The following SLC19A1 variants were observed in gnomAD, a reference collection of about 807,000 sequenced individuals.
SLC19A1 encodes reduced folate transporter.
In SLC19A1, 37 loss-of-function variants were observed where a neutral mutation model predicts 35.3. That is an observed-to-expected ratio of 1.05 (90% CI 0.81 to 1.38). The LOEUF (loss-of-function observed/expected upper bound fraction) is 1.38, where lower values mean the gene tolerates loss of function less well. Ranked by LOEUF, SLC19A1 falls within the 40% of genes most tolerant of loss-of-function variation. SLC19A1 has a pLI of 0.00. For missense variants in SLC19A1, 831 were observed against 826.9 expected, an observed-to-expected ratio of 1.00 and a Z score of -0.06; for synonymous variants, 460 against 398.5, an observed-to-expected ratio of 1.15 and a Z score of -1.84.
At chr21:45,508,618 T>C (rs2037392978), downstream of SLC19A1, among the ~76,000 whole-genome samples, 1 of 152,192 alleles carries the variant, frequency 6.6e-6, no homozygotes, top group Admixed American at 6.5e-5. Context: ...CATGATTCCT[T>C]AATTGGCTCA....
chr21:45,520,412 C>T (rs577001764), intron 5 of SLC19A1, among the ~76,000 whole-genome samples: 16 of 152,156 alleles, frequency 1.1e-4, no homozygotes, highest in Middle Eastern at 6.8e-3. Context: ...TAATTATCTA[C>T]GTAGAAAATC....
At chr21:45,542,199 G>A (rs1183403385) in intron 1 of SLC19A1, among the ~76,000 whole-genome samples, 169 bp downstream of exon 1, 1 of 83,276 alleles carries the variant, frequency 1.2e-5, no homozygotes, top group African/African-American at 4.7e-5. Context: ...CGCAGACCCC[G>A]GCCCACGCCC....
chr21:45,551,444 G>C (rs747881270), intron 1 of SLC19A1, among the ~76,000 whole-genome samples: 11 of 152,062 alleles, frequency 7.2e-5, no homozygotes, highest in Non-Finnish European at 1.0e-4. Flanking sequence ...CCTCTCACGG[G>C]GCACCTTTGG....
rs117635381 is a variant in SLC19A1, at chr21:45,528,908, G to A, written c.1151+1862C>T. On this transcript the variant is annotated intron_variant, in intron 4 of 5. Coordinates refer to ENST00000311124, the MANE Select transcript of SLC19A1 (RefSeq NM_194255.4). ...CAAACAGCAGTTTTCTGCTTTGCAC[G>A]CTGCGGCACCGTGTTGGATTTTTTT... is the stretch of plus-strand genomic sequence containing the variant. Among the ~76,000 whole-genome samples, 3 of 152,358 alleles carry A rather than the reference G, an allele frequency of 2.0e-5. No individual in the cohort carries two copies. In the East Asian group the frequency reaches 5.8e-4, roughly 29 times the overall value.
chr21:45,531,980 G>A lies in SLC19A1; in HGVS notation c.358C>T (p.Gln120Ter). The part of the protein sequence containing the change: ...LLLGHSVAHM[Q>*]LMELFYSVTM... Reference sequence around the variant, plus strand: ...ACGCTGTAGAAGAGCTCCATGAGCTGCATGTGCGCCACCGAGTGGCCCAGC... The same window carrying A: ...ACGCTGTAGAAGAGCTCCATGAGCTACATGTGCGCCACCGAGTGGCCCAGC... Residue 120 changes from glutamine to a stop codon, truncating the protein, a stop_gained, in exon 3 of 6, where the codon CAG becomes TAG. Transcript: ENST00000311124. LOFTEE classifies it high-confidence loss of function. 4 of 1,609,858 alleles carry A rather than the reference G, an allele frequency of 2.5e-6. No homozygotes were observed. Among genetic ancestry groups the A allele is most frequent in the Non-Finnish European group, 3.4e-6 (4 of 1,179,424 alleles).
rs543031956 is a variant in SLC19A1 at position 45,530,028 on chromosome 21, T to C, written c.1151+742A>G. 6.8e-6 allele frequency among the ~76,000 whole-genome samples: 1 copy of C among 147,302 alleles called. No homozygotes were observed. The highest frequency in any genetic ancestry group is 2.1e-4 in the East Asian group (1 of 4,872). On this transcript the variant is annotated intron_variant, in intron 4 of 5. Coordinates refer to ENST00000311124, the MANE Select transcript of SLC19A1 (RefSeq NM_194255.4). The surrounding 1 kb of genome is among the most constrained non-coding windows in gnomAD (Gnocchi z 5.3). The stretch of plus-strand genomic sequence containing the variant: ...TGGTGTGTGTCCATGTGTAAGTATG[T>C]GATGCATTCATGTGAGTGTAGTGGG...
rs183057968 is a variant in SLC19A1 at position 45,517,631 on chromosome 21, C to T, written c.1294-1491G>A. Among the ~76,000 whole-genome samples, 49 of 140,452 alleles carry T rather than the reference C, an allele frequency of 3.5e-4. No homozygotes were observed. The East Asian group carries it at 0.01, about 29-fold the overall frequency. 92.1% of individuals were successfully genotyped at this position (140,452 alleles called of 152,430 possible). ...TGGGGAGCCTGGCCTCTTATCCTCA[C>T]CCAGTAGTAAGAGCGTGCCTGTCCT... On this transcript the variant is annotated intron_variant, in intron 5 of 5. Coordinates refer to ENST00000311124, the MANE Select transcript of SLC19A1 (RefSeq NM_194255.4). This position sits in a 1 kb window ranked among gnomAD's most constrained non-coding sequence, Gnocchi z 4.4.
downstream of SLC19A1, among the ~76,000 whole-genome samples, chr21:45,508,573 G>C (rs117312236): frequency 6.6e-6 from 1 of 152,094 alleles, no homozygotes; most frequent in Non-Finnish European, 1.5e-5. Context: ...TAAGTGTTGC[G>C]TCCAGCTGCT....
At chr21:45,537,719 T>TGGGGGGGGCCCCCCC in intron 2 of SLC19A1, 52 bp downstream of exon 2, 1 of 319,776 alleles carries the variant, frequency 3.1e-6, no homozygotes, top group South Asian at 5.5e-5. Context: ...CAGACGCTGC[T>TGGGGGGGGCCCCCCC]CCCCGCCCAC....
chr21:45,559,769 A>G (rs1232235987), intron 1 of SLC19A1, among the ~76,000 whole-genome samples: 1 of 152,238 alleles, frequency 6.6e-6, no homozygotes, highest in African/African-American at 2.4e-5. Context: ...TCAAATGCGC[A>G]TCATTCCCTC....
At chr21:45,503,341 A>T (rs1176063575) in intron 3 of SLC19A1, among the ~76,000 whole-genome samples, 1 of 151,824 alleles carries the variant, frequency 6.6e-6, no homozygotes, top group African/African-American at 2.4e-5. Flanking sequence ...GCATTTTTTC[A>T]TGTGTTTTTT....
chr21:45,505,787 G>GGCC, intron 3 of SLC19A1: 18 of 1,248,142 alleles, frequency 1.4e-5, no homozygotes, highest in Middle Eastern at 2.6e-4. Context: ...TTCCGCCCCT[G>GGCC]CCCCCCGCCC....
intron 5 of SLC19A1, among the ~76,000 whole-genome samples, chr21:45,518,523 T>C (rs749816870): frequency 1.9e-4 from 29 of 152,068 alleles, no homozygotes; most frequent in Non-Finnish European, 4.1e-4. Context: ...AAACCCCAAA[T>C]AGAAAACCCA....
chr21:45,510,947 CCACAACACCCCA>C (rs2037546007), downstream of SLC19A1, among the ~76,000 whole-genome samples: 2 of 18,852 alleles, frequency 1.1e-4, no homozygotes, highest in Admixed American at 3.8e-4. Context: ...AAACACACAC[CCACAACACCCCA>C]CATACACCCC....
In SLC19A1 at chr21:45,512,843, G is replaced by A. The variant is rs1385955473; in HGVS notation, c.*2815C>T. On this transcript the variant is annotated 3_prime_UTR_variant, in exon 6 of 6. Transcript: ENST00000311124. Reference sequence around the variant, plus strand: ...AGACAGGCCCCGTGAGGCAATGGGAGCTGAGGCCACACTCAGCACAAGGCC... The same window carrying A: ...AGACAGGCCCCGTGAGGCAATGGGAACTGAGGCCACACTCAGCACAAGGCC... The A allele has an allele frequency of 3.5e-6, 1 of 283,412 alleles. No individual in the cohort carries two copies. Among genetic ancestry groups the A allele is most frequent in the Non-Finnish European group, 6.8e-6 (1 of 146,038 alleles). 17.6% of individuals were successfully genotyped at this position (283,412 alleles called of 1,614,324 possible).
At position 45,516,887 on chromosome 21, in the gene SLC19A1, G is replaced by A. The variant is rs182086148; in HGVS notation, c.1294-747C>T. Among the ~76,000 whole-genome samples the A allele has an allele frequency of 2.2e-4, 33 of 152,326 alleles. No homozygotes were observed. The East Asian group carries it at 2.9e-3, about 13-fold the overall frequency. The stretch of plus-strand genomic sequence containing the variant: ...CAGGCCAGAATCCCTGCAGCCCATC[G>A]GCACCGGCACCCTTCCAGGACAGCT... On this transcript the variant is annotated intron_variant, in intron 5 of 5. Transcript: ENST00000311124.
intron 1 of SLC19A1, among the ~76,000 whole-genome samples, chr21:45,560,047 C>T (rs535841151): frequency 6.6e-6 from 1 of 152,226 alleles, no homozygotes; most frequent in African/African-American, 2.4e-5. Context: ...GTCACACCCC[C>T]CAGCTCCCAA....
downstream of SLC19A1, chr21:45,510,127 T>C: frequency 1.3e-6 from 2 of 1,599,998 alleles, no homozygotes; most frequent in Non-Finnish European, 8.5e-7. Context: ...CGGGGCCGAC[T>C]TCCAGTGCTT....
At position 45,515,172 on chromosome 21, in the gene SLC19A1, A is replaced by C. The variant is rs759936819; in HGVS notation, c.*486T>G. 6.6e-7 allele frequency: 1 copy of C among 1,524,294 alleles called. No homozygotes were observed. Among genetic ancestry groups the C allele is most frequent in the African/African-American group, 1.4e-5 (1 of 70,780 alleles). The allele number at this position is 1,524,294 out of a possible 1,614,324, so 94.4% of individuals were successfully genotyped here. On this transcript the variant is annotated 3_prime_UTR_variant, in exon 6 of 6. Coordinates refer to ENST00000311124, the MANE Select transcript of SLC19A1 (RefSeq NM_194255.4). ...TTCATTCTACGTCAGTTAAAAAAAA[A>C]AAAAGCATCTTTCAAAAAAGCAAGA...
Sources: allele counts gnomAD v4.1 joint callset (sites outside exome capture counted in the v4.1 genomes callset), GRCh38; gene constraint gnomAD v4.1.1; non-coding constraint Gnocchi (gnomAD v3.1); transcripts MANE v1.5; gene names NCBI Gene and HGNC (gene_info 2026-07-23, HGNC 2026-07-21).